The following COQ10B variants were observed in gnomAD, a reference collection of about 807,000 sequenced individuals.
COQ10B encodes the protein coenzyme Q10B.
In COQ10B, 12 loss-of-function variants were observed where a neutral mutation model predicts 27.6. That is an observed-to-expected ratio of 0.43 (90% CI 0.28 to 0.70). The LOEUF (loss-of-function observed/expected upper bound fraction) is 0.70. COQ10B is among the 30% of genes least tolerant of loss of function. The probability of loss-of-function intolerance (pLI) is 0.17; values close to 1 mark genes in which losing one functional copy is unlikely to be tolerated. For synonymous variants in COQ10B, 115 were observed against 103.0 expected (o/e 1.12, Z -0.71); for missense variants, 278 against 288.7 (o/e 0.96, Z 0.27).
At chr2:197,468,933 G>T (rs931678178) in intron 3 of COQ10B, among the ~76,000 whole-genome samples, 1 of 152,154 alleles carries the variant, frequency 6.6e-6, no homozygotes, top group African/African-American at 2.4e-5. Context: ...AGCATAATCA[G>T]TCCTAACAAT....
intron 3 of COQ10B, among the ~76,000 whole-genome samples, chr2:197,466,860 C>A (rs1453154577): frequency 6.6e-6 from 1 of 151,478 alleles, no homozygotes; most frequent in African/African-American, 2.4e-5. Context: ...TATAAGTTGC[C>A]TCACATAATA....
intron 4 of COQ10B, among the ~76,000 whole-genome samples, chr2:197,473,049 A>T (rs575467464): frequency 2.0e-5 from 3 of 152,254 alleles, no homozygotes; most frequent in South Asian, 4.1e-4. Flanking sequence ...TTCTCTTATT[A>T]AGAAACAGAC....
At position 197,462,615 on chromosome 2, in the gene COQ10B, T is replaced by C; in HGVS notation, c.331T>C (p.Ser111Pro). ...GCATTTTGTTCCTTGGTGCAAAAAA[T>C]CAGATGTTATATCAAAGAGATCTGG... Reference protein sequence around the residue: ...YKHFVPWCKKSDVISKRSGYC... With the variant: ...YKHFVPWCKKPDVISKRSGYC... The change falls in exon 3 of 5, where the codon TCA becomes CCA. Residue 111 changes from serine to proline, a missense_variant. Around this residue, in one of 3 missense-constraint regions of COQ10B, gnomAD observed 183 missense variants for 158.2 expected, o/e 1.16. Transcript: ENST00000263960. 1.3e-6 allele frequency: 2 copies of C among 1,599,666 alleles called. No homozygotes were observed. The highest frequency in any genetic ancestry group is 1.7e-6 in the Non-Finnish European group (2 of 1,170,124).
At chr2:197,455,396 C>T (rs760210763) in intron 1 of COQ10B, among the ~76,000 whole-genome samples, 3 of 151,426 alleles carry the variant, frequency 2.0e-5, no homozygotes, top group East Asian at 1.9e-4. Context: ...GAGGCTGAGG[C>T]GGGAGGATTG....
chr2:197,462,410 G>C (rs2085770498), intron 2 of COQ10B, 129 bp from the exon 3 acceptor site: 2 of 544,500 alleles, frequency 3.7e-6, no homozygotes, highest in South Asian at 2.7e-5. Context: ...TCCAGAATGT[G>C]GTTTAATATA....
At position 197,466,782 on chromosome 2, in the gene COQ10B, C is replaced by G. The variant is rs142275932; in HGVS notation, c.448-3288C>G. Among the ~76,000 whole-genome samples, 1,411 of 152,124 alleles carry G rather than the reference C, an allele frequency of 9.3e-3. 14 individuals are homozygous for G. The highest frequency in any genetic ancestry group is 0.038 in the South Asian group (184 of 4,824). Reference sequence around the variant, plus strand: ...AGAACCTTGGGCAAATTCACACTTGCATGTGTCTGACTCCAAAACTATTTT... The same window carrying G: ...AGAACCTTGGGCAAATTCACACTTGGATGTGTCTGACTCCAAAACTATTTT... On this transcript the variant is annotated intron_variant, in intron 3 of 4. Coordinates refer to ENST00000263960, the MANE Select transcript of COQ10B (RefSeq NM_025147.5).
In COQ10B at chr2:197,473,807, T is replaced by C. The variant is rs776134486; in HGVS notation, c.600T>C (p.Phe200=). The change falls in exon 5 of 5, where the codon TTT becomes TTC. Residue 200 remains phenylalanine (F), a synonymous_variant. Transcript: ENST00000263960. The part of the protein sequence containing the change: ...SLLHSQLATL[F]FDEVVKQMVA... ...TACATTCCCAGCTTGCCACACTCTT[T>C]TTTGATGAAGTTGTGAAGCAGATGG... 1.4e-5 allele frequency: 23 copies of C among 1,597,232 alleles called. No individual in the cohort carries two copies. In the East Asian group the frequency reaches 4.9e-4, roughly 34 times the overall value.
intron 2 of COQ10B, among the ~76,000 whole-genome samples, chr2:197,460,504 T>C (rs926166683): frequency 6.6e-6 from 1 of 152,222 alleles, no homozygotes; most frequent in Non-Finnish European, 1.5e-5. Flanking sequence ...CCATTGCTAT[T>C]TTATAAATAT....
chr2:197,464,053 G>T (rs1486934404), intron 3 of COQ10B, among the ~76,000 whole-genome samples: 1 of 79,026 alleles, frequency 1.3e-5, no homozygotes, highest in African/African-American at 5.4e-5. Flanking sequence ...ATATATATAC[G>T]TATATATATA....
At chr2:197,468,216 G>T (rs1371239796) in intron 3 of COQ10B, among the ~76,000 whole-genome samples, 1 of 151,940 alleles carries the variant, frequency 6.6e-6, no homozygotes, top group Non-Finnish European at 1.5e-5. Context: ...CGAGGCGGGG[G>T]GATCAGGAGG....
rs1048980222 is a variant in COQ10B at position 197,474,054 on chromosome 2, T to C, written c.*130T>C. The C allele has an allele frequency of 5.9e-5, 34 of 579,212 alleles. No homozygotes were observed. The highest frequency in any genetic ancestry group is 2.0e-4 in the Admixed American group (5 of 25,102). The allele number at this position is 579,212 out of a possible 1,614,324, so 35.9% of individuals were successfully genotyped here. A position where few individuals can be genotyped will look rare whatever the true frequency, so the allele number is the denominator to read the frequency against. ...CAGCTTTGGTTATAAACCTGCACCA[T>C]TGAAAATTTGCACATAGAATATAGA... On this transcript the variant is annotated 3_prime_UTR_variant, in exon 5 of 5. Transcript: ENST00000263960.
At position 197,459,920 on chromosome 2, in the gene COQ10B, T is replaced by TA; in HGVS notation, c.105-12_105-11insA. ...ACTGTCACTCTAAATCAGGTGATTT[T>TA]TGTCTTTTCAGATATTTAGCTTCCT... On this transcript the variant is annotated splice_polypyrimidine_tract_variant and intron_variant, in intron 1 of 4. Coordinates refer to ENST00000263960, the MANE Select transcript of COQ10B (RefSeq NM_025147.5). The TA allele has an allele frequency of 6.4e-7, 1 of 1,570,952 alleles. No homozygotes were observed. The highest frequency in any genetic ancestry group is 8.6e-7 in the Non-Finnish European group (1 of 1,163,234).
intron 2 of COQ10B, 128 bp downstream of exon 2, chr2:197,460,209 T>TA: frequency 5.6e-5 from 34 of 605,462 alleles, no homozygotes; most frequent in East Asian, 1.1e-4. Flanking sequence ...TTGGCCTTTT[T>TA]CTTTTTTTTT....
rs1192361339 is a variant in COQ10B, at chr2:197,473,391, G to GC, written c.550-357dup. Among the ~76,000 whole-genome samples the GC allele has an allele frequency of 4.7e-3, 377 of 80,700 alleles. 6 individuals carry two copies. Among genetic ancestry groups the GC allele is most frequent in the East Asian group, 0.021 (59 of 2,784 alleles). The allele number at this position is 80,700 out of a possible 152,430, so 52.9% of individuals were successfully genotyped here. On this transcript the variant is annotated intron_variant, in intron 4 of 4. Coordinates refer to ENST00000263960, the MANE Select transcript of COQ10B (RefSeq NM_025147.5). The stretch of plus-strand genomic sequence containing the variant: ...CAACATGGCAAAACCCCTTCTCTAC[G>GC]CCCCCCCCCACAAAAAAAAAAAAAA...
intron 4 of COQ10B, among the ~76,000 whole-genome samples, chr2:197,470,577 T>C (rs1379444271): frequency 1.3e-5 from 2 of 151,940 alleles, no homozygotes; most frequent in Non-Finnish European, 2.9e-5. Context: ...CTGGGGAACA[T>C]AGCAAGACTT....
At position 197,467,159 on chromosome 2, in the gene COQ10B, C is replaced by G. The variant is rs149755086; in HGVS notation, c.448-2911C>G. On this transcript the variant is annotated intron_variant, in intron 3 of 4. Coordinates refer to ENST00000263960, the MANE Select transcript of COQ10B (RefSeq NM_025147.5). The stretch of plus-strand genomic sequence containing the variant: ...ACGAGGTTTCACCATGTTGGCCAGG[C>G]TGGTCTCAAACTCCTGACCTCAGGT... Among the ~76,000 whole-genome samples, 36 of 152,172 alleles carry G rather than the reference C, an allele frequency of 2.4e-4. No homozygotes were observed. In the East Asian group the frequency reaches 4.8e-3, roughly 20 times the overall value.
chr2:197,456,820 A>G (rs2085704618), intron 1 of COQ10B, among the ~76,000 whole-genome samples: 2 of 152,022 alleles, frequency 1.3e-5, no homozygotes. Flanking sequence ...AGAACAGAGG[A>G]TACTAAAGAT....
chr2:197,471,468 T>C (rs2085876738), intron 4 of COQ10B, among the ~76,000 whole-genome samples: 1 of 152,166 alleles, frequency 6.6e-6, no homozygotes, highest in African/African-American at 2.4e-5. Flanking sequence ...CATATAATCG[T>C]AGTTATAGAA....
chr2:197,459,223 G>A (rs912540766), intron 1 of COQ10B, among the ~76,000 whole-genome samples: 3 of 152,174 alleles, frequency 2.0e-5, no homozygotes, highest in Non-Finnish European at 1.5e-5. Context: ...TGCAGTGCCC[G>A]TGGTGTGTTC....
Sources: allele counts gnomAD v4.1 joint callset (sites outside exome capture counted in the v4.1 genomes callset), GRCh38; gene constraint gnomAD v4.1.1; regional missense constraint gnomAD v4.1.1; transcripts MANE v1.5; gene names NCBI Gene and HGNC (gene_info 2026-07-23, HGNC 2026-07-21).